QTRT2: variants seen among roughly 807,000 people sequenced by gnomAD.
The protein encoded by QTRT2 is queuine tRNA-ribosyltransferase accessory subunit 2, also known as queuine tRNA-ribosyltransferase domain containing 1.
QTRT2 carries 32 observed loss-of-function variants against 44.8 expected under a neutral mutation model. The ratio of observed to expected loss-of-function variants is 0.71; its 90% CI spans 0.54 to 0.96. QTRT2 has a LOEUF of 0.96. Ranked by LOEUF, QTRT2 falls within the 40% of genes least tolerant of loss-of-function variation. The probability of loss-of-function intolerance (pLI) is 0.00; values close to 1 mark genes in which losing one functional copy is unlikely to be tolerated. For missense variants in QTRT2, 461 were observed against 503.1 expected (o/e 0.92, Z 0.80); for synonymous variants, 182 against 187.4 (o/e 0.97, Z 0.24).
Position 114,062,368 on chromosome 3 carries a change from C to CAAAAAAAA in QTRT2, c.-21-2853_-21-2846dup, listed in dbSNP as rs143192501. ...TGGGCAATAGAGTGAGACCTTGTCT[C>CAAAAAAAA]AAAAAAAAAAAAAAAAAAAAAAAGA... On this transcript the variant is annotated intron_variant, in intron 2 of 9. Transcript: ENST00000281273. 2.6e-4 allele frequency among the ~76,000 whole-genome samples: 22 copies of CAAAAAAAA among 86,126 alleles called. 1 individual carries two copies. The highest frequency in any genetic ancestry group is 4.1e-4 in the Admixed American group (3 of 7,300). 56.5% of individuals were successfully genotyped at this position (86,126 alleles called of 152,430 possible). A position where few individuals can be genotyped will look rare whatever the true frequency, so the allele number is the denominator to read the frequency against.
At chr3:114,072,455 C>T (rs567850735) in intron 6 of QTRT2, among the ~76,000 whole-genome samples, 1 of 152,292 alleles carries the variant, frequency 6.6e-6, no homozygotes, top group African/African-American at 2.4e-5. Context: ...CCTGATAGTT[C>T]CAGGGAATTC....
At chr3:114,083,065 G>C (rs2077187661) in intron 9 of QTRT2, 2 of 404,360 alleles carry the variant, frequency 4.9e-6, no homozygotes, top group Non-Finnish European at 9.3e-6. Context: ...TTGGCGTCTT[G>C]TATTCCTTTA....
At position 114,076,736 on chromosome 3, in the gene QTRT2, A is replaced by G. The variant is rs748605553; in HGVS notation, c.547-7A>G. The stretch of plus-strand genomic sequence containing the variant: ...TGGTTAAAAACATATCATCCTTCTT[A>G]CCTCAGGTTCTTCAGAAGAGTGTGA... On this transcript the variant is annotated splice_polypyrimidine_tract_variant and splice_region_variant and intron_variant, in intron 6 of 9. Coordinates refer to ENST00000281273, the MANE Select transcript of QTRT2 (RefSeq NM_024638.4). 6.2e-7 allele frequency: 1 copy of G among 1,613,358 alleles called. No homozygotes were observed. Among genetic ancestry groups the G allele is most frequent in the Non-Finnish European group, 8.5e-7 (1 of 1,179,416 alleles).
Position 114,086,249 on chromosome 3 carries a change from G to C in QTRT2, c.*345G>C, listed in dbSNP as rs946921709. 3 of 299,068 alleles carry C rather than the reference G, an allele frequency of 1.0e-5. No homozygotes were observed. The highest frequency in any genetic ancestry group is 2.3e-3 in the Middle Eastern group (2 of 856). 18.5% of individuals were successfully genotyped at this position (299,068 alleles called of 1,614,324 possible). ...TGAGATTCTGAGGGACCCATGAATT[G>C]GATTGAGGCTTGAGGGGAAATGGTG... On this transcript the variant is annotated 3_prime_UTR_variant, in exon 10 of 10. Coordinates refer to ENST00000281273, the MANE Select transcript of QTRT2 (RefSeq NM_024638.4).
rs1218235489 is a variant in QTRT2 at position 114,082,733 on chromosome 3, A to T, written c.955A>T (p.Ile319Phe). Residue 319 changes from isoleucine (I) to phenylalanine (F), a missense_variant, in exon 9 of 10, where the codon ATT becomes TTT. Physicochemically the swap from Ile to Phe is conservative, Grantham distance 21. Coordinates refer to ENST00000281273, the MANE Select transcript of QTRT2 (RefSeq NM_024638.4). ...AAAATGTATGGATCAAATAAAGAAA[A>T]TTGAAACAACTGGTTGCAACCAAGA... ...EIKCMDQIKK[I>F]ETTGCNQEIT... is the part of the protein sequence containing the mutation. 2 of 1,539,924 alleles carry T rather than the reference A, an allele frequency of 1.3e-6. No individual in the cohort carries two copies. The highest frequency in any genetic ancestry group is 1.8e-6 in the Non-Finnish European group (2 of 1,126,352).
chr3:114,067,430 T>TA (rs2076968888), intron 4 of QTRT2, among the ~76,000 whole-genome samples: 1 of 152,212 alleles, frequency 6.6e-6, no homozygotes, highest in Non-Finnish European at 1.5e-5. Context: ...TTGCATTTTT[T>TA]AAAAAATGAT....
rs1239993759 is a variant in QTRT2, at chr3:114,068,062, A to G, written c.332A>G (p.Lys111Arg). Reference sequence around the variant, plus strand: ...TGCCCGGCTGGTTATGTAACAAACAAGGTGTGTTTTCAGAAGGGTCTCCAA... The same window carrying G: ...TGCCCGGCTGGTTATGTAACAAACAGGGTGTGTTTTCAGAAGGGTCTCCAA... ...SPCPAGYVTNKSVSVWSVAGR... is the reference protein window; with the variant it reads ...SPCPAGYVTNRSVSVWSVAGR... The change falls in exon 5 of 10, where the codon AAG becomes AGG. Residue 111 changes from lysine to arginine, a missense_variant and splice_region_variant. Physicochemically the swap from Lys to Arg is conservative, Grantham distance 26. Transcript: ENST00000281273. 1.9e-6 allele frequency: 3 copies of G among 1,613,510 alleles called. No individual in the cohort carries two copies. Among genetic ancestry groups the G allele is most frequent in the Non-Finnish European group, 2.5e-6 (3 of 1,179,528 alleles).
intron 1 of QTRT2, 23 bp from the exon 2 acceptor site, chr3:114,056,976 G>GTC: frequency 6.8e-7 from 1 of 1,468,232 alleles, no homozygotes; most frequent in Non-Finnish European, 9.0e-7. Flanking sequence ...CTCCCGCCAT[G>GTC]TCTCCTCTGC....
chr3:114,060,604 TAGAC>T (rs759026825), intron 2 of QTRT2, among the ~76,000 whole-genome samples: 102 of 152,082 alleles, frequency 6.7e-4, no homozygotes, highest in Admixed American at 1.4e-3. Flanking sequence ...AGACAGACAA[TAGAC>T]AGACAGTATG....
rs766581650 is a variant in QTRT2, at chr3:114,080,057, CG to C, written c.898+1del. On this transcript the variant is annotated splice_donor_variant, in intron 8 of 9. Coordinates refer to ENST00000281273, the MANE Select transcript of QTRT2 (RefSeq NM_024638.4). LOFTEE classifies it high-confidence loss of function. ...TTACCAGCCGAATCCTGAAGAGACACGTAAGTCTTTTGAAGTTTATCTCTTA... is the reference window on the plus strand; with the variant it reads ...TTACCAGCCGAATCCTGAAGAGACACTAAGTCTTTTGAAGTTTATCTCTTA... 1.3e-6 allele frequency: 2 copies of C among 1,590,544 alleles called. No individual in the cohort carries two copies. The highest frequency in any genetic ancestry group is 2.3e-5 in the South Asian group (2 of 87,506).
Position 114,077,453 on chromosome 3 carries a change from T to G in QTRT2, c.746+511T>G, listed in dbSNP as rs983956748. The G allele has an allele frequency of 1.9e-5, 3 of 155,076 alleles. No individual in the cohort carries two copies. The South Asian group carries it at 5.9e-4, about 31-fold the overall frequency. The allele number at this position is 155,076 out of a possible 1,614,324, so 9.6% of individuals were successfully genotyped here. ...GACTGACAACACTAGTAGGATTGGTTCTTATGTTTCCATAAATTGCAGGAT... is the reference window on the plus strand; with the variant it reads ...GACTGACAACACTAGTAGGATTGGTGCTTATGTTTCCATAAATTGCAGGAT... On this transcript the variant is annotated intron_variant, in intron 7 of 9. Transcript: ENST00000281273.
intron 2 of QTRT2, chr3:114,057,359 C>T (rs1335884536): frequency 6.5e-6 from 1 of 153,590 alleles, no homozygotes. Context: ...CTATATGACC[C>T]TAGGCAACTT....
chr3:114,076,623 G>C (rs1161937105), intron 6 of QTRT2, 120 bp from the exon 7 acceptor site: 13 of 863,420 alleles, frequency 1.5e-5, no homozygotes, highest in Non-Finnish European at 2.0e-5. Context: ...CCCCTTTAAT[G>C]CTTCAACTAC....
In QTRT2 at chr3:114,065,449, G is replaced by A; in HGVS notation, c.192G>A (p.Leu64=). The A allele has an allele frequency of 6.2e-7, 1 of 1,612,060 alleles. No homozygotes were observed. The highest frequency in any genetic ancestry group is 8.5e-7 in the Non-Finnish European group (1 of 1,178,468). The change falls in exon 3 of 10, where the codon CTG becomes CTA. Residue 64 remains leucine (L), a synonymous_variant. Transcript: ENST00000281273. The part of the protein sequence containing the change: ...HGVPAMAQLT[L]SSLAEHHEVL... ...TTCCTGCCATGGCTCAGCTTACGCT[G>A]TCATCCCTGTAAGTGTTAGAACCAA...
intron 2 of QTRT2, among the ~76,000 whole-genome samples, chr3:114,063,715 T>C (rs1406866692): frequency 6.6e-6 from 1 of 152,156 alleles, no homozygotes; most frequent in Non-Finnish European, 1.5e-5. Flanking sequence ...AGTTATTCTT[T>C]TTTTTTAAGA....
chr3:114,065,731 A>AT (rs1333157707), intron 3 of QTRT2, among the ~76,000 whole-genome samples: 1 of 152,146 alleles, frequency 6.6e-6, no homozygotes, highest in Non-Finnish European at 1.5e-5. Context: ...AGGGCGGGGA[A>AT]TGTTCTGTGA....
chr3:114,075,607 C>T (rs984901153), intron 6 of QTRT2, among the ~76,000 whole-genome samples: 1 of 150,786 alleles, frequency 6.6e-6, no homozygotes, highest in Admixed American at 6.6e-5. Flanking sequence ...CTCCTCGGCT[C>T]AAGCGATTCT....
At chr3:114,058,923 G>A (rs2076846587) in intron 2 of QTRT2, among the ~76,000 whole-genome samples, 1 of 152,220 alleles carries the variant, frequency 6.6e-6, no homozygotes, top group African/African-American at 2.4e-5. Flanking sequence ...CATATACTAT[G>A]ATTATAGAAA....
In QTRT2 at chr3:114,056,759, A is replaced by C; in HGVS notation, c.-235A>C. 3 of 1,463,474 alleles carry C rather than the reference A, an allele frequency of 2.0e-6. No homozygotes were observed. The highest frequency in any genetic ancestry group is 1.3e-5 in the South Asian group (1 of 78,742). 90.7% of individuals were successfully genotyped at this position (1,463,474 alleles called of 1,614,324 possible). On this transcript the variant is annotated 5_prime_UTR_variant, in exon 1 of 10. Transcript: ENST00000281273. The stretch of plus-strand genomic sequence containing the variant: ...CGCAGTACTCCCTGATTGGCTCTGC[A>C]CTGGAGGCAGTGATTTTGGGGCAGA...
Sources: allele counts gnomAD v4.1 joint callset (sites outside exome capture counted in the v4.1 genomes callset), GRCh38; gene constraint gnomAD v4.1.1; transcripts MANE v1.5; gene names NCBI Gene and HGNC (gene_info 2026-07-23, HGNC 2026-07-21).